The following CAMTA1 variants were observed in gnomAD, a reference collection of about 807,000 sequenced individuals.
CAMTA1 encodes calmodulin-binding transcription activator 1.
A neutral mutation model predicts 170.9 loss-of-function variants in CAMTA1; 27 were observed. The ratio of observed to expected loss-of-function variants is 0.16; its 90% CI spans 0.12 to 0.22. The LOEUF (loss-of-function observed/expected upper bound fraction) is 0.22. CAMTA1 is among the 10% of genes least tolerant of loss of function. The probability of loss-of-function intolerance (pLI) is 1.00; values close to 1 mark genes in which losing one functional copy is unlikely to be tolerated. For synonymous variants in CAMTA1, 833 were observed against 891.5 expected (o/e 0.93, Z 1.17); for missense variants, 1,619 against 2,217.2 (o/e 0.73, Z 5.42).
At chr1:7,503,497 G>A (rs928362235) in intron 6 of CAMTA1, among the ~76,000 whole-genome samples, 5 of 152,202 alleles carry the variant, frequency 3.3e-5, no homozygotes, top group Non-Finnish European at 7.3e-5. Context: ...CACCTTCGCC[G>A]AAGGGGAGGG....
intron 5 of CAMTA1, among the ~76,000 whole-genome samples, chr1:7,447,220 G>A (rs2092701832): frequency 6.6e-6 from 1 of 152,054 alleles, no homozygotes; most frequent in African/African-American, 2.4e-5. Context: ...GTAAACACGT[G>A]GTGCGCGTGG....
At chr1:7,268,266 AG>A (rs56775847) in intron 5 of CAMTA1, among the ~76,000 whole-genome samples, 140,758 of 151,966 alleles carry the variant, frequency 0.93, 65,349 homozygotes, top group African/African-American at 0.98. Context: ...ACAGAGGAGA[AG>A]GGGGGGTCAG....
chr1:7,167,900 C>CA (rs944346317), intron 4 of CAMTA1, among the ~76,000 whole-genome samples: 10 of 152,070 alleles, frequency 6.6e-5, no homozygotes, highest in Non-Finnish European at 1.5e-4. Flanking sequence ...AGGCATGTGC[C>CA]ACCATACCCA....
intron 3 of CAMTA1, among the ~76,000 whole-genome samples, chr1:6,834,949 G>C (rs1213323979): frequency 1.3e-5 from 2 of 152,138 alleles, no homozygotes; most frequent in Non-Finnish European, 2.9e-5. Flanking sequence ...GGCCAATTCA[G>C]TAGTTTTTAA....
At chr1:7,078,609 G>T in intron 3 of CAMTA1, among the ~76,000 whole-genome samples, 1 of 152,202 alleles carries the variant, frequency 6.6e-6, no homozygotes, top group East Asian at 1.9e-4. Context: ...AAAAATTTAT[G>T]ATGAGACTTT....
chr1:6,960,424 GC>G (rs1158233854), intron 3 of CAMTA1, among the ~76,000 whole-genome samples: 1 of 152,236 alleles, frequency 6.6e-6, no homozygotes, highest in East Asian at 1.9e-4. Flanking sequence ...GGCAGTCTGG[GC>G]CGACTGCCCC....
rs946308777 is a variant in CAMTA1 at position 7,093,734 on chromosome 1, C to T, written c.302+2363C>T. ...TACATAGAGCCAAGAGACCCCACCCCGAGGCACAGGGTGTGTGCCTGGCAG... is the reference window on the plus strand; with the variant it reads ...TACATAGAGCCAAGAGACCCCACCCTGAGGCACAGGGTGTGTGCCTGGCAG... On this transcript the variant is annotated intron_variant, in intron 4 of 22. Transcript: ENST00000303635. The surrounding 1 kb of genome is among the most constrained non-coding windows in gnomAD (Gnocchi z 4.6). Among the ~76,000 whole-genome samples, 16 of 152,252 alleles carry T rather than the reference C, an allele frequency of 1.1e-4. No homozygotes were observed. The highest frequency in any genetic ancestry group is 3.4e-3 in the Middle Eastern group (1 of 294).
chr1:7,708,103 G>A lies in CAMTA1; in HGVS notation c.2915-24345G>A, dbSNP rs181337966. ...TCTAGCACTTTGGGAGGCTGAGGCAGGTGGATTGCTTGAGCCTAGGAGTTC... is the reference window on the plus strand; with the variant it reads ...TCTAGCACTTTGGGAGGCTGAGGCAAGTGGATTGCTTGAGCCTAGGAGTTC... On this transcript the variant is annotated intron_variant, in intron 11 of 22. Coordinates refer to ENST00000303635, the MANE Select transcript of CAMTA1 (RefSeq NM_015215.4). Among the ~76,000 whole-genome samples the A allele has an allele frequency of 1.1e-4, 16 of 152,312 alleles. No individual in the cohort carries two copies. In the East Asian group the frequency reaches 2.9e-3, roughly 28 times the overall value.
chr1:6,973,356 C>T (rs1284930693), intron 3 of CAMTA1, among the ~76,000 whole-genome samples: 6 of 152,196 alleles, frequency 3.9e-5, no homozygotes, highest in Admixed American at 6.5e-5. Context: ...TGATACCTCA[C>T]ATAAGGAGAA....
intron 3 of CAMTA1, among the ~76,000 whole-genome samples, chr1:6,877,414 G>A (rs1482943286): frequency 6.6e-6 from 1 of 152,120 alleles, no homozygotes; most frequent in Admixed American, 6.5e-5. Flanking sequence ...GTGAAGGTGT[G>A]GAAGGATTTT....
rs1403544536 is a variant in CAMTA1 at position 6,792,285 on chromosome 1, A to G, written c.45+6710A>G. 6.6e-5 allele frequency among the ~76,000 whole-genome samples: 10 copies of G among 151,328 alleles called. No homozygotes were observed. The East Asian group carries it at 1.4e-3, about 21-fold the overall frequency. Reference sequence around the variant, plus strand: ...AAGTGTTTCCTTGTATAAATTGACAATGGAGAGCAGTTCACGTGATGGGAC... The same window carrying G: ...AAGTGTTTCCTTGTATAAATTGACAGTGGAGAGCAGTTCACGTGATGGGAC... On this transcript the variant is annotated intron_variant, in intron 1 of 22. Transcript: ENST00000303635.
intron 5 of CAMTA1, among the ~76,000 whole-genome samples, chr1:7,423,194 G>C (rs2091675319): frequency 6.6e-6 from 1 of 152,210 alleles, no homozygotes; most frequent in African/African-American, 2.4e-5. Context: ...CACAGGGCCA[G>C]GCGTGGTGGC....
At chr1:7,350,722 G>GGTGT (rs145129293) in intron 5 of CAMTA1, among the ~76,000 whole-genome samples, 1 of 151,438 alleles carries the variant, frequency 6.6e-6, no homozygotes, top group African/African-American at 2.4e-5. Context: ...GAAGTCATAT[G>GGTGT]GTGTGTGTGT....
At chr1:7,269,812 C>A (rs1669432151) in intron 5 of CAMTA1, among the ~76,000 whole-genome samples, 1 of 152,126 alleles carries the variant, frequency 6.6e-6, no homozygotes, top group South Asian at 2.1e-4. Flanking sequence ...AGTTGAAGAA[C>A]AGGTGGTCAA....
chr1:7,690,689 C>T (rs541458311), intron 11 of CAMTA1, among the ~76,000 whole-genome samples: 5 of 152,262 alleles, frequency 3.3e-5, no homozygotes, highest in Non-Finnish European at 5.9e-5. Flanking sequence ...CCATGAAGTA[C>T]TGATGTGTAC....
chr1:6,850,007 C>G (rs1659767630), intron 3 of CAMTA1, among the ~76,000 whole-genome samples: 1 of 147,856 alleles, frequency 6.8e-6, no homozygotes. Context: ...TGCAATCCAA[C>G]CTGGGCGACA....
rs114633642 is a variant in CAMTA1, at chr1:7,551,327, T to C, written c.510+83426T>C. On this transcript the variant is annotated intron_variant, in intron 6 of 22. Transcript: ENST00000303635. ...CTGAGTGTATGTGCATGTGTGTGTG[T>C]GCACATGTATGTATCTGTGCATGAG... Among the ~76,000 whole-genome samples the C allele has an allele frequency of 1.0e-2, 1,519 of 152,254 alleles. 22 individuals carry two copies. The highest frequency in any genetic ancestry group is 0.035 in the African/African-American group (1,439 of 41,546).
chr1:6,986,795 G>T (rs1295055581), intron 3 of CAMTA1, among the ~76,000 whole-genome samples: 1 of 152,086 alleles, frequency 6.6e-6, no homozygotes, highest in South Asian at 2.1e-4. Context: ...AATGCAGGGA[G>T]CAAACCTCCC....
rs1447806374 is a variant in CAMTA1 at position 7,732,836 on chromosome 1, C to G, written c.3066+237C>G. ...TTTACCCCCCTAATCCTTAAGTTAT[C>G]TCTATTAATCTCAGAATTCACTACT... On this transcript the variant is annotated intron_variant, in intron 12 of 22. Transcript: ENST00000303635. This position sits in a 1 kb window ranked among gnomAD's most constrained non-coding sequence, Gnocchi z 4.1. 6.6e-6 allele frequency among the ~76,000 whole-genome samples: 1 copy of G among 152,160 alleles called. No homozygotes were observed. The highest frequency in any genetic ancestry group is 2.4e-5 in the African/African-American group (1 of 41,424).
Sources: allele counts gnomAD v4.1 joint callset (sites outside exome capture counted in the v4.1 genomes callset), GRCh38; gene constraint gnomAD v4.1.1; non-coding constraint Gnocchi (gnomAD v3.1); transcripts MANE v1.5; gene names NCBI Gene and HGNC (gene_info 2026-07-23, HGNC 2026-07-21).